Variants in PLCXD3 observed in about 807,000 individuals in gnomAD.
The protein encoded by PLCXD3 is phosphatidylinositol specific phospholipase C X domain containing 3.
In PLCXD3, 19 loss-of-function variants were observed where a neutral mutation model predicts 25.5. That is an observed-to-expected ratio of 0.75 (90% CI 0.52 to 1.09). PLCXD3 has a LOEUF of 1.09. Ranked by LOEUF, PLCXD3 falls within the 50% of genes least tolerant of loss-of-function variation. The pLI, the probability that PLCXD3 is intolerant of heterozygous loss-of-function variation, is 0.00. For synonymous variants in PLCXD3, 174 were observed against 137.6 expected (o/e 1.26, Z -1.85); for missense variants, 411 against 388.1 (o/e 1.06, Z -0.50).
chr5:41,401,213 TA>T (rs1746176722), intron 1 of PLCXD3, among the ~76,000 whole-genome samples: 1 of 152,064 alleles, frequency 6.6e-6, no homozygotes, highest in East Asian at 1.9e-4. Flanking sequence ...TTTTATTTTT[TA>T]TGAAATTCAA....
intron 1 of PLCXD3, among the ~76,000 whole-genome samples, chr5:41,501,295 A>T (rs774773462): frequency 6.6e-6 from 1 of 152,056 alleles, no homozygotes. Flanking sequence ...ATCAAAATGT[A>T]TATCAATGGA....
chr5:41,329,627 T>C (rs1743730324), intron 2 of PLCXD3, among the ~76,000 whole-genome samples: 1 of 151,952 alleles, frequency 6.6e-6, no homozygotes, highest in Non-Finnish European at 1.5e-5. Flanking sequence ...GAATTTTAAC[T>C]TTTACAAATT....
intron 1 of PLCXD3, among the ~76,000 whole-genome samples, chr5:41,432,142 T>C (rs1253612673): frequency 1.3e-5 from 2 of 152,190 alleles, no homozygotes; most frequent in Non-Finnish European, 2.9e-5. Context: ...CCTCAGATAC[T>C]GGGAAATTGT....
At chr5:41,366,546 G>A (rs1346279264) in intron 2 of PLCXD3, among the ~76,000 whole-genome samples, 1 of 152,172 alleles carries the variant, frequency 6.6e-6, no homozygotes, top group Non-Finnish European at 1.5e-5. Flanking sequence ...GTAAAGAGAA[G>A]ACTATGTTAA....
intron 2 of PLCXD3, among the ~76,000 whole-genome samples, chr5:41,356,678 AC>A (rs1744626430): frequency 6.6e-6 from 1 of 152,206 alleles, no homozygotes; most frequent in African/African-American, 2.4e-5. Context: ...ATCTGAACAA[AC>A]CTTTTTGCCA....
At chr5:41,437,510 T>C (rs1158557988) in intron 1 of PLCXD3, among the ~76,000 whole-genome samples, 1 of 152,174 alleles carries the variant, frequency 6.6e-6, no homozygotes, top group Non-Finnish European at 1.5e-5. Context: ...GCAAATAGAA[T>C]GATGAAAAGG....
At chr5:41,393,214 G>C (rs1285178356) in intron 1 of PLCXD3, among the ~76,000 whole-genome samples, 1 of 152,004 alleles carries the variant, frequency 6.6e-6, no homozygotes, top group Non-Finnish European at 1.5e-5. Flanking sequence ...AATACAAGAC[G>C]GTTATAAAAA....
intron 1 of PLCXD3, among the ~76,000 whole-genome samples, chr5:41,454,272 A>C (rs1175696658): frequency 2.6e-5 from 4 of 152,010 alleles, no homozygotes; most frequent in African/African-American, 7.2e-5. Flanking sequence ...CATTCAGGCT[A>C]CTATAACAAA....
At chr5:41,446,995 A>G (rs1747519236) in intron 1 of PLCXD3, among the ~76,000 whole-genome samples, 1 of 152,240 alleles carries the variant, frequency 6.6e-6, no homozygotes, top group Non-Finnish European at 1.5e-5. Flanking sequence ...AAAGGCTATT[A>G]ATGTTCAGAA....
intron 1 of PLCXD3, among the ~76,000 whole-genome samples, chr5:41,485,786 T>A (rs1008387800): frequency 4.6e-5 from 7 of 152,178 alleles, no homozygotes; most frequent in Admixed American, 4.6e-4. Flanking sequence ...TTACAGTCAG[T>A]TATCACCAGT....
At chr5:41,385,704 G>C (rs550715959) in intron 1 of PLCXD3, among the ~76,000 whole-genome samples, 1 of 152,024 alleles carries the variant, frequency 6.6e-6, no homozygotes, top group African/African-American at 2.4e-5. Flanking sequence ...ATGGGATGCC[G>C]CTTCTGAGAT....
chr5:41,411,386 T>C (rs1447426217), intron 1 of PLCXD3, among the ~76,000 whole-genome samples: 1 of 152,232 alleles, frequency 6.6e-6, no homozygotes, highest in Non-Finnish European at 1.5e-5. Flanking sequence ...GGATCTTTTC[T>C]TTATCAAGGG....
At chr5:41,378,289 A>G (rs1313458580) in intron 2 of PLCXD3, among the ~76,000 whole-genome samples, 1 of 152,120 alleles carries the variant, frequency 6.6e-6, no homozygotes, top group Non-Finnish European at 1.5e-5. Flanking sequence ...ACATTAATAT[A>G]ACATTCAGAA....
intron 2 of PLCXD3, among the ~76,000 whole-genome samples, chr5:41,318,671 G>GTTGTGTCTTC (rs1743370486): frequency 6.6e-6 from 1 of 151,446 alleles, no homozygotes; most frequent in African/African-American, 2.4e-5. Context: ...AGACAGGAAG[G>GTTGTGTCTTC]AAAGAAAAAA....
chr5:41,485,538 C>G (rs1184993929), intron 1 of PLCXD3, among the ~76,000 whole-genome samples: 1 of 152,112 alleles, frequency 6.6e-6, no homozygotes, highest in African/African-American at 2.4e-5. Flanking sequence ...GAGTTATGAC[C>G]TGGTAGTGTC....
chr5:41,349,618 T>C (rs1744395522), intron 2 of PLCXD3, among the ~76,000 whole-genome samples: 1 of 152,180 alleles, frequency 6.6e-6, no homozygotes, highest in Non-Finnish European at 1.5e-5. Context: ...TTTCCCCTCA[T>C]GAAATGGTCC....
chr5:41,357,710 G>A (rs999519021), intron 2 of PLCXD3, among the ~76,000 whole-genome samples: 6 of 152,058 alleles, frequency 3.9e-5, no homozygotes, highest in African/African-American at 9.7e-5. Context: ...TTACAGAATC[G>A]CTACAATAGA....
At chr5:41,314,809 G>A (rs899735579) in intron 2 of PLCXD3, among the ~76,000 whole-genome samples, 4 of 152,104 alleles carry the variant, frequency 2.6e-5, no homozygotes, top group Admixed American at 6.5e-5. Context: ...GTAAAATAGG[G>A]GGCCTTTGAA....
chr5:41,503,966 TGTG>T (rs1189700087), intron 1 of PLCXD3, among the ~76,000 whole-genome samples: 1 of 109,130 alleles, frequency 9.2e-6, no homozygotes, highest in Non-Finnish European at 1.7e-5. Flanking sequence ...GGAATTAAAA[TGTG>T]TGTGTGTGTG....
Sources: gnomAD v4.1 joint callset for allele counts (sites outside exome capture counted in the v4.1 genomes callset) on GRCh38, gnomAD v4.1.1 for gene constraint, MANE v1.5 for transcripts, NCBI Gene and HGNC (gene_info 2026-07-23, HGNC 2026-07-21) for gene names.